CADM2: variants seen among roughly 807,000 people sequenced by gnomAD.
CADM2 encodes the protein cell adhesion molecule 2, also known as immunoglobulin superfamily member 4D.
A neutral mutation model predicts 49.8 loss-of-function variants in CADM2; 12 were observed. That is an observed-to-expected ratio of 0.24 (90% CI 0.15 to 0.39). The LOEUF is 0.39. CADM2 is among the 10% of genes least tolerant of loss of function. The pLI, the probability that CADM2 is intolerant of heterozygous loss-of-function variation, is 1.00. For missense variants in CADM2, 378 were observed against 492.3 expected (o/e 0.77, Z 2.20); for synonymous variants, 214 against 175.4 (o/e 1.22, Z -1.74).
chr3:86,013,064 T>C (rs1303117390), intron 8 of CADM2: 8 of 1,276,398 alleles, frequency 6.3e-6, no homozygotes, highest in Non-Finnish European at 8.0e-6. Context: ...CTAGTCCTTA[T>C]AGGACAGTTC....
intron 1 of CADM2, among the ~76,000 whole-genome samples, chr3:85,033,351 T>C (rs2035070075): frequency 6.6e-6 from 1 of 152,210 alleles, no homozygotes; most frequent in Non-Finnish European, 1.5e-5. Context: ...AGCTTCTTTG[T>C]GTTTACACTG....
chr3:85,244,715 G>T (rs1432940051), intron 1 of CADM2, among the ~76,000 whole-genome samples: 7 of 152,112 alleles, frequency 4.6e-5, no homozygotes, highest in African/African-American at 1.7e-4. Context: ...GGGATGTCAA[G>T]AGGTTTCTGA....
intron 1 of CADM2, among the ~76,000 whole-genome samples, chr3:85,634,860 A>T (rs1379012145): frequency 6.7e-6 from 1 of 149,500 alleles, no homozygotes; most frequent in Non-Finnish European, 1.5e-5. Flanking sequence ...CTTTGTATTT[A>T]TACATTCAAT....
chr3:85,901,593 C>T (rs1716125533), intron 5 of CADM2, among the ~76,000 whole-genome samples: 1 of 152,106 alleles, frequency 6.6e-6, no homozygotes, highest in South Asian at 2.1e-4. Context: ...TTGTATACCT[C>T]CCAAATTGAA....
intron 1 of CADM2, among the ~76,000 whole-genome samples, chr3:85,219,807 A>T (rs745401127): frequency 2.0e-5 from 3 of 152,184 alleles, no homozygotes; most frequent in Admixed American, 1.3e-4. Flanking sequence ...ACAGTCAAAG[A>T]GAGAGCATAT....
At chr3:85,008,075 G>A (rs1237743129) in intron 1 of CADM2, among the ~76,000 whole-genome samples, 2 of 152,130 alleles carry the variant, frequency 1.3e-5, no homozygotes, top group African/African-American at 4.8e-5. Flanking sequence ...CAATGCCTCA[G>A]AGAGCAGTTG....
At chr3:86,056,121 A>G (rs1407606829) in intron 8 of CADM2, among the ~76,000 whole-genome samples, 3 of 152,150 alleles carry the variant, frequency 2.0e-5, no homozygotes, top group South Asian at 2.1e-4. Flanking sequence ...TCCTCCTGTT[A>G]TCACACAGGT....
intron 1 of CADM2, among the ~76,000 whole-genome samples, chr3:85,430,609 G>A (rs901231651): frequency 6.6e-6 from 1 of 151,512 alleles, no homozygotes; most frequent in Non-Finnish European, 1.5e-5. Context: ...AGGAGAAAGG[G>A]GGCGGTGGGG....
intron 1 of CADM2, among the ~76,000 whole-genome samples, chr3:85,453,923 C>T (rs1429174119): frequency 6.6e-6 from 1 of 151,972 alleles, no homozygotes; most frequent in Non-Finnish European, 1.5e-5. Flanking sequence ...AAAATTAAAA[C>T]TAGAAACGGC....
chr3:85,809,753 T>C (rs1577363222), intron 3 of CADM2, among the ~76,000 whole-genome samples: 2 of 69,520 alleles, frequency 2.9e-5, no homozygotes, highest in African/African-American at 1.0e-4. Context: ...CCTCTCTCCC[T>C]CCCTCCCTCC....
At chr3:85,104,055 G>C (rs2038116564) in intron 1 of CADM2, among the ~76,000 whole-genome samples, 1 of 152,092 alleles carries the variant, frequency 6.6e-6, no homozygotes, top group South Asian at 2.1e-4. Context: ...AGTTTAATTA[G>C]ATCCCATTTG....
At chr3:85,808,932 G>A (rs1240606353) in intron 3 of CADM2, among the ~76,000 whole-genome samples, 1 of 152,122 alleles carries the variant, frequency 6.6e-6, no homozygotes, top group African/African-American at 2.4e-5. Flanking sequence ...GGAGGTACAG[G>A]TTCTCCTGGC....
At chr3:85,430,760 G>C (rs551118469) in intron 1 of CADM2, among the ~76,000 whole-genome samples, 2 of 151,982 alleles carry the variant, frequency 1.3e-5, no homozygotes, top group Admixed American at 1.3e-4. Context: ...TGGAAGTTAG[G>C]ATATATACTT....
At chr3:85,574,350 C>T (rs2062569450) in intron 1 of CADM2, among the ~76,000 whole-genome samples, 1 of 152,214 alleles carries the variant, frequency 6.6e-6, no homozygotes, top group Non-Finnish European at 1.5e-5. Flanking sequence ...AAAAAATTGG[C>T]TTCCAGCTTT....
At chr3:85,865,203 G>C (rs2075678798) in intron 3 of CADM2, among the ~76,000 whole-genome samples, 1 of 152,142 alleles carries the variant, frequency 6.6e-6, no homozygotes, top group Non-Finnish European at 1.5e-5. Context: ...CCAGGCCCTG[G>C]CTTCAAGAAC....
At chr3:85,381,733 T>C (rs962849565) in intron 1 of CADM2, among the ~76,000 whole-genome samples, 1 of 152,034 alleles carries the variant, frequency 6.6e-6, no homozygotes, top group African/African-American at 2.4e-5. Context: ...TCAGCTGTCA[T>C]CTTAACTTTC....
At chr3:85,554,787 G>C (rs1330743712) in intron 1 of CADM2, among the ~76,000 whole-genome samples, 1 of 129,708 alleles carries the variant, frequency 7.7e-6, no homozygotes, top group East Asian at 2.7e-4. Context: ...TCAAACTCCT[G>C]AGCTCAGGCA....
At chr3:86,012,037 C>T (rs187732752) in intron 8 of CADM2, among the ~76,000 whole-genome samples, 27 of 151,946 alleles carry the variant, frequency 1.8e-4, no homozygotes, top group Non-Finnish European at 2.9e-5. Context: ...AAAATATTAT[C>T]TTATATAAAT....
At chr3:85,795,009 G>T (rs2071540642) in intron 2 of CADM2, among the ~76,000 whole-genome samples, 2 of 151,952 alleles carry the variant, frequency 1.3e-5, no homozygotes, top group Non-Finnish European at 1.5e-5. Flanking sequence ...GGTACAATGT[G>T]ATTTTTTGAT....
Sources: allele counts gnomAD v4.1 joint callset (sites outside exome capture counted in the v4.1 genomes callset), GRCh38; gene constraint gnomAD v4.1.1; transcripts MANE v1.5; gene names NCBI Gene and HGNC (gene_info 2026-07-23, HGNC 2026-07-21).